The following GPATCH8 variants were observed in gnomAD, a reference collection of about 807,000 sequenced individuals.
GPATCH8 encodes the protein G patch domain-containing protein 8.
In GPATCH8, 18 loss-of-function variants were observed where a neutral mutation model predicts 118.3. The observed-to-expected ratio is 0.15, with a 90% CI of 0.11 to 0.23. The LOEUF is 0.23. Among genes scored for constraint, GPATCH8 ranks in the 10% least tolerant of loss-of-function variants. The pLI is 1.00. For synonymous variants in GPATCH8, 659 were observed against 684.7 expected, an observed-to-expected ratio of 0.96 and a Z score of 0.59; for missense variants, 1,631 against 1,873.8, an observed-to-expected ratio of 0.87 and a Z score of 2.39.
At chr17:44,482,612 C>T (rs1284544742) in intron 1 of GPATCH8, among the ~76,000 whole-genome samples, 5 of 149,086 alleles carry the variant, frequency 3.4e-5, no homozygotes, top group East Asian at 2.0e-4. Context: ...ACCTAGATGA[C>T]GGGTTCGTAG....
chr17:44,466,510 A>G (rs954398271), intron 2 of GPATCH8, among the ~76,000 whole-genome samples: 6 of 152,186 alleles, frequency 3.9e-5, no homozygotes, highest in African/African-American at 1.2e-4. Flanking sequence ...AAAATATAAT[A>G]TAACACTACT....
chr17:44,451,024 C>T (rs1279032470), intron 3 of GPATCH8, among the ~76,000 whole-genome samples: 1 of 152,134 alleles, frequency 6.6e-6, no homozygotes, highest in African/African-American at 2.4e-5. Context: ...AAATTTGTTA[C>T]ATTATTTGTT....
At chr17:44,412,678 C>T (rs940751105) in intron 6 of GPATCH8, among the ~76,000 whole-genome samples, 8 of 152,158 alleles carry the variant, frequency 5.3e-5, no homozygotes, top group African/African-American at 1.9e-4. Context: ...GCCACCACAC[C>T]CAGCTGAACC....
In GPATCH8 at chr17:44,396,627, C is replaced by T. The variant is rs148844931; in HGVS notation, c.*941G>A. 1,588 of 445,504 alleles carry T rather than the reference C, an allele frequency of 3.6e-3. 23 individuals carry two copies. The highest frequency in any genetic ancestry group is 0.024 in the Admixed American group (966 of 40,184). The allele number at this position is 445,504 out of a possible 1,614,324, so 27.6% of individuals were successfully genotyped here. A position where few individuals can be genotyped will look rare whatever the true frequency, so the allele number is the denominator to read the frequency against. ...AGTTTCTTAATTCAACTAGGGCAAA[C>T]ATATTTACACAAAGCCACCAGAACG... On this transcript the variant is annotated 3_prime_UTR_variant, in exon 8 of 8. Transcript: ENST00000591680.
chr17:44,497,917 C>A (rs1414767747), intron 1 of GPATCH8, among the ~76,000 whole-genome samples: 3 of 148,700 alleles, frequency 2.0e-5, no homozygotes, highest in African/African-American at 2.5e-5. Flanking sequence ...CTAGCCTGGA[C>A]AAAAGAGCCA....
chr17:44,412,891 C>G (rs926884142), intron 6 of GPATCH8, among the ~76,000 whole-genome samples: 8 of 152,146 alleles, frequency 5.3e-5, no homozygotes, highest in Non-Finnish European at 1.0e-4. Context: ...CTCCTCTCCC[C>G]TTCCTAACTG....
chr17:44,424,493 C>G lies in GPATCH8; in HGVS notation c.349-1G>C. On this transcript the variant is annotated splice_acceptor_variant, in intron 5 of 7. Coordinates refer to ENST00000591680, the MANE Select transcript of GPATCH8 (RefSeq NM_001002909.4). LOFTEE classifies it high-confidence loss of function. ...TTGCCTTCTCTTTGTCAACATAATC[C>G]TTCAAGACCCATGAAATACAAAGAA... 6.2e-7 allele frequency: 1 copy of G among 1,604,382 alleles called. No individual in the cohort carries two copies. The highest frequency in any genetic ancestry group is 8.5e-7 in the Non-Finnish European group (1 of 1,171,474).
intron 1 of GPATCH8, among the ~76,000 whole-genome samples, chr17:44,478,124 C>T (rs1283175495): frequency 6.6e-6 from 1 of 152,184 alleles, no homozygotes; most frequent in Non-Finnish European, 1.5e-5. Flanking sequence ...CCAAGCGCAG[C>T]CTGAAAGTCT....
At chr17:44,455,591 T>C (rs1206042953) in intron 3 of GPATCH8, among the ~76,000 whole-genome samples, 2 of 152,032 alleles carry the variant, frequency 1.3e-5, no homozygotes, top group African/African-American at 2.4e-5. Flanking sequence ...AGACTCTAGA[T>C]CAATATTTGG....
intron 1 of GPATCH8, among the ~76,000 whole-genome samples, chr17:44,497,013 T>C (rs1363329871): frequency 1.3e-4 from 20 of 152,236 alleles, no homozygotes; most frequent in Admixed American, 1.3e-3. Context: ...GGTGGTCATC[T>C]GTAATTCCTT....
chr17:44,416,488 A>G (rs532556731), intron 6 of GPATCH8, among the ~76,000 whole-genome samples: 1 of 152,200 alleles, frequency 6.6e-6, no homozygotes, highest in South Asian at 2.1e-4. Context: ...AGCAAAACAG[A>G]CCCCAAGAAA....
intron 1 of GPATCH8, among the ~76,000 whole-genome samples, chr17:44,481,674 T>C (rs940167313): frequency 6.6e-6 from 1 of 152,232 alleles, no homozygotes; most frequent in East Asian, 1.9e-4. Flanking sequence ...CACTGTATCT[T>C]AATTGTACTT....
At chr17:44,420,551 G>A (rs1465176996) in intron 6 of GPATCH8, among the ~76,000 whole-genome samples, 3 of 152,102 alleles carry the variant, frequency 2.0e-5, no homozygotes, top group Non-Finnish European at 2.9e-5. Context: ...AATGTACAGA[G>A]GCATTGCCAA....
intron 5 of GPATCH8, among the ~76,000 whole-genome samples, chr17:44,427,719 T>C (rs1239287014): frequency 6.6e-6 from 1 of 152,184 alleles, no homozygotes; most frequent in Non-Finnish European, 1.5e-5. Flanking sequence ...AATAATTAAA[T>C]GGTATGAAGC....
intron 1 of GPATCH8, among the ~76,000 whole-genome samples, chr17:44,493,309 C>T (rs1037743923): frequency 6.6e-6 from 1 of 152,156 alleles, no homozygotes; most frequent in Admixed American, 6.5e-5. Context: ...TATCCACCCA[C>T]CTTGGCCTCC....
intron 6 of GPATCH8, among the ~76,000 whole-genome samples, chr17:44,414,133 A>ATATATATATG (rs2049579904): frequency 6.6e-5 from 2 of 30,454 alleles, no homozygotes; most frequent in African/African-American, 1.8e-4. Context: ...ATATGTGTAT[A>ATATATATATG]TATATATATG....
chr17:44,426,846 ACACTCTCT>A (rs1270874788), intron 5 of GPATCH8, among the ~76,000 whole-genome samples: 2,742 of 145,496 alleles, frequency 0.019, 19 homozygotes, highest in Middle Eastern at 0.029. Context: ...ACACACACAC[ACACTCTCT>A]CTCTCTCTCT....
chr17:44,432,075 A>G (rs2050338213), intron 5 of GPATCH8, among the ~76,000 whole-genome samples: 1 of 142,406 alleles, frequency 7.0e-6, no homozygotes, highest in African/African-American at 2.6e-5. Flanking sequence ...TAATTTTAGG[A>G]TTCCCTCTCC....
At chr17:44,414,125 A>G (rs866073229) in intron 6 of GPATCH8, among the ~76,000 whole-genome samples, 1,434 of 33,070 alleles carry the variant, frequency 0.043, 32 homozygotes, top group African/African-American at 0.09. Context: ...ATGTATATAT[A>G]TGTGTATATA....
Sources: gnomAD v4.1 joint callset for allele counts (sites outside exome capture counted in the v4.1 genomes callset) on GRCh38, gnomAD v4.1.1 for gene constraint, MANE v1.5 for transcripts, NCBI Gene and HGNC (gene_info 2026-07-23, HGNC 2026-07-21) for gene names.